Variants in XKR6 observed in about 807,000 individuals in gnomAD.
XKR6 encodes the protein XK-related protein 6.
A neutral mutation model predicts 56.7 loss-of-function variants in XKR6; 22 were observed. That is an observed-to-expected ratio of 0.39 (90% confidence interval 0.28 to 0.55). The LOEUF is 0.55. XKR6 is among the 20% of genes least tolerant of loss of function. The pLI is 0.66. For missense variants in XKR6, 852 were observed against 889.0 expected (o/e 0.96, Z 0.53); for synonymous variants, 524 against 387.8 (o/e 1.35, Z -4.13).
At chr8:10,965,961 A>G (rs975931793) in intron 1 of XKR6, among the ~76,000 whole-genome samples, 5 of 152,208 alleles carry the variant, frequency 3.3e-5, no homozygotes, top group African/African-American at 1.2e-4. Flanking sequence ...AAGGGCATCA[A>G]ATTCACCTTC....
In XKR6 at chr8:11,011,403, G is replaced by A. The variant is rs78081684; in HGVS notation, c.765-86573C>T. Among the ~76,000 whole-genome samples the A allele has an allele frequency of 4.2e-3, 640 of 152,336 alleles. 8 individuals are homozygous for A. The highest frequency in any genetic ancestry group is 0.014 in the African/African-American group (597 of 41,574). On this transcript the variant is annotated intron_variant, in intron 1 of 2. Coordinates refer to ENST00000416569, the MANE Select transcript of XKR6 (RefSeq NM_173683.4). ...CACCAGAAGGGTACAGGTACACAGC[G>A]GACGAGGCTGGAAAGCAGGTGAGCA...
intron 1 of XKR6, among the ~76,000 whole-genome samples, chr8:10,943,005 A>C (rs1801431007): frequency 6.6e-6 from 1 of 152,186 alleles, no homozygotes; most frequent in African/African-American, 2.4e-5. Flanking sequence ...AAAATGGCTC[A>C]AAGGAGGGGC....
Position 11,201,240 on chromosome 8 carries a change from G to C in XKR6, c.100C>G (p.Pro34Ala), listed in dbSNP as rs1420916096. ...VGSGGEEDGE[P>A]GGGGCGGGGD... ...CCGCCGCCGCAGCCGCCTCCCCCGG[G>C]CTCCCCGTCCTCCTCGCCGCCGCTG... Residue 34 changes from proline (P) to alanine (A), a missense_variant, in exon 1 of 3, where the codon CCC becomes GCC. Physicochemically the swap from Pro to Ala is conservative, Grantham distance 27. Around this residue, in one of 4 missense-constraint regions of XKR6, gnomAD observed 417 missense variants for 355.2 expected, o/e 1.17. Transcript: ENST00000416569. 3.2e-6 allele frequency: 5 copies of C among 1,559,506 alleles called. No homozygotes were observed. The highest frequency in any genetic ancestry group is 1.9e-4 in the Middle Eastern group (1 of 5,314).
chr8:11,047,633 G>A (rs1441353809), intron 1 of XKR6, among the ~76,000 whole-genome samples: 3 of 152,186 alleles, frequency 2.0e-5, no homozygotes, highest in South Asian at 4.1e-4. Context: ...GGGGGCATGA[G>A]GAGTTGTTGT....
chr8:10,957,104 C>T (rs1398571758), intron 1 of XKR6, among the ~76,000 whole-genome samples: 1 of 152,176 alleles, frequency 6.6e-6, no homozygotes, highest in Non-Finnish European at 1.5e-5. Context: ...GCACGTGCCA[C>T]CATGCCCGTT....
chr8:11,029,423 T>C (rs1407377233), intron 1 of XKR6, among the ~76,000 whole-genome samples: 2 of 152,108 alleles, frequency 1.3e-5, no homozygotes, highest in African/African-American at 4.8e-5. Flanking sequence ...TGGGGGTGAT[T>C]AGGTTTAGAT....
intron 1 of XKR6, among the ~76,000 whole-genome samples, chr8:11,193,774 A>T (rs1038346492): frequency 3.5e-5 from 5 of 142,486 alleles, no homozygotes; most frequent in Non-Finnish European, 7.6e-5. Flanking sequence ...AACCTTGGTA[A>T]ACAATTCAGA....
At chr8:11,077,929 C>G (rs1800317883) in intron 1 of XKR6, among the ~76,000 whole-genome samples, 1 of 152,108 alleles carries the variant, frequency 6.6e-6, no homozygotes, top group South Asian at 2.1e-4. Flanking sequence ...CGGTGTCTAC[C>G]TGCACTGGCC....
chr8:11,081,505 AT>A (rs1035046112), intron 1 of XKR6, among the ~76,000 whole-genome samples: 4 of 152,238 alleles, frequency 2.6e-5, no homozygotes. Flanking sequence ...TGGACATTTA[AT>A]TCATTTTAAT....
intron 2 of XKR6, among the ~76,000 whole-genome samples, chr8:10,922,937 T>C (rs1303910092): frequency 6.6e-6 from 1 of 152,188 alleles, no homozygotes; most frequent in African/African-American, 2.4e-5. Flanking sequence ...AGCTCTCCTC[T>C]CTAGGCCACG....
intron 1 of XKR6, among the ~76,000 whole-genome samples, chr8:10,954,006 T>C (rs1226538412): frequency 6.6e-6 from 1 of 152,260 alleles, no homozygotes; most frequent in Admixed American, 6.5e-5. Flanking sequence ...TTCCTTTCTA[T>C]TGTTGAGTAA....
At chr8:10,963,972 T>C (rs1301210162) in intron 1 of XKR6, among the ~76,000 whole-genome samples, 1 of 152,208 alleles carries the variant, frequency 6.6e-6, no homozygotes, top group Non-Finnish European at 1.5e-5. Context: ...CCTTCATTTC[T>C]AAGTCTATAA....
chr8:11,127,310 C>T (rs968585217), intron 1 of XKR6, among the ~76,000 whole-genome samples: 33 of 152,164 alleles, frequency 2.2e-4, no homozygotes, highest in Non-Finnish European at 3.5e-4. Flanking sequence ...TGATCTTCAA[C>T]GAGTTACTTA....
At chr8:11,173,171 T>TA (rs1802464044) in intron 1 of XKR6, among the ~76,000 whole-genome samples, 1 of 144,648 alleles carries the variant, frequency 6.9e-6, no homozygotes, top group Non-Finnish European at 1.5e-5. Context: ...CCGTCTCCAC[T>TA]AAAAAATACA....
chr8:10,968,591 C>A (rs1802303087), intron 1 of XKR6, among the ~76,000 whole-genome samples: 1 of 152,240 alleles, frequency 6.6e-6, no homozygotes, highest in Non-Finnish European at 1.5e-5. Flanking sequence ...TGACACCAGT[C>A]CTCGGTGTTT....
At chr8:11,086,047 G>A (rs919785796) in intron 1 of XKR6, among the ~76,000 whole-genome samples, 3 of 151,688 alleles carry the variant, frequency 2.0e-5, no homozygotes, top group Admixed American at 2.0e-4. Context: ...GAGTGCCCCG[G>A]AGGACACTCT....
At chr8:11,166,865 G>A (rs1473804155) in intron 1 of XKR6, among the ~76,000 whole-genome samples, 9 of 152,148 alleles carry the variant, frequency 5.9e-5, no homozygotes, top group South Asian at 2.1e-4. Context: ...GTGAGCCACC[G>A]CACCCGGCTT....
In XKR6 at chr8:11,200,428, C is replaced by G. The variant is rs559728766; in HGVS notation, c.764+148G>C. On this transcript the variant is annotated intron_variant, in intron 1 of 2. Coordinates refer to ENST00000416569, the MANE Select transcript of XKR6 (RefSeq NM_173683.4). This position sits in a 1 kb window ranked among gnomAD's most constrained non-coding sequence, Gnocchi z 6.4. ...CCAGGGATCCAGATCAAACGCCGGT[C>G]TTTTGGAGACGCCAGGGGCGGCGCG... The G allele has an allele frequency of 1.1e-4, 120 of 1,118,830 alleles. No individual in the cohort carries two copies. Among genetic ancestry groups the G allele is most frequent in the Non-Finnish European group, 1.4e-4 (117 of 857,452 alleles). 69.3% of individuals were successfully genotyped at this position (1,118,830 alleles called of 1,614,324 possible).
chr8:10,958,823 G>A (rs4413733), intron 1 of XKR6, among the ~76,000 whole-genome samples: 10,003 of 152,288 alleles, frequency 0.066, 354 homozygotes, highest in Middle Eastern at 0.13. Flanking sequence ...CTTCTGCAGA[G>A]AGGAAACAGA....
Sources: gnomAD v4.1 joint callset for allele counts (sites outside exome capture counted in the v4.1 genomes callset) on GRCh38, gnomAD v4.1.1 for gene constraint, gnomAD v4.1.1 regional missense constraint, Gnocchi (gnomAD v3.1) non-coding constraint, MANE v1.5 for transcripts, NCBI Gene and HGNC (gene_info 2026-07-23, HGNC 2026-07-21) for gene names.